SLC8A3: variants seen among roughly 807,000 people sequenced by gnomAD.
The protein encoded by SLC8A3 is sodium/calcium exchanger 3.
A neutral mutation model predicts 65.4 loss-of-function variants in SLC8A3; 37 were observed. The observed-to-expected ratio is 0.57, with a 90% CI of 0.44 to 0.74. SLC8A3 has a LOEUF of 0.74. SLC8A3 is among the 30% of genes least tolerant of loss of function. SLC8A3 has a pLI of 0.00. For synonymous variants in SLC8A3, 461 were observed against 444.5 expected, an observed-to-expected ratio of 1.04 and a Z score of -0.47; for missense variants, 1,112 against 1,172.1, an observed-to-expected ratio of 0.95 and a Z score of 0.75.
At chr14:70,187,333 G>C (rs534892757) in intron 1 of SLC8A3, 1 of 120,068 alleles carries the variant, frequency 8.3e-6, no homozygotes, top group South Asian at 2.4e-4. Context: ...GGGGCGGGGG[G>C]AGAGAGAGAG....
At chr14:70,136,292 C>T (rs1234638913) in intron 2 of SLC8A3, among the ~76,000 whole-genome samples, 3 of 152,114 alleles carry the variant, frequency 2.0e-5, no homozygotes, top group East Asian at 1.9e-4. Context: ...TGCCAGCACC[C>T]GATTTTGGAA....
intron 2 of SLC8A3, among the ~76,000 whole-genome samples, chr14:70,085,645 C>T (rs1891378052): frequency 6.6e-6 from 1 of 152,204 alleles, no homozygotes; most frequent in African/African-American, 2.4e-5. Flanking sequence ...CAAGATTTCG[C>T]AGTCCAATGG....
intron 2 of SLC8A3, among the ~76,000 whole-genome samples, chr14:70,146,230 G>A (rs1357211566): frequency 6.6e-6 from 1 of 152,196 alleles, no homozygotes; most frequent in Non-Finnish European, 1.5e-5. Flanking sequence ...AGTGGAAGAT[G>A]TGTAATGTCG....
intron 2 of SLC8A3, among the ~76,000 whole-genome samples, chr14:70,079,281 C>T (rs1181382855): frequency 2.8e-5 from 4 of 141,656 alleles, no homozygotes; most frequent in South Asian, 4.4e-4. Flanking sequence ...GTCAGGAGTT[C>T]GAGACCAGCC....
intron 3 of SLC8A3, among the ~76,000 whole-genome samples, chr14:70,055,204 A>C (rs1029928329): frequency 6.6e-6 from 1 of 152,104 alleles, no homozygotes; most frequent in Non-Finnish European, 1.5e-5. Context: ...ATCCTAATTC[A>C]TCTTGTTCAC....
Position 70,168,174 on chromosome 14 carries a change from G to C in SLC8A3, c.249C>G (p.Ala83=). ...KIARVIVYFV[A]LIYMFLGVSI... ...ACACCCCAAGGAACATGTATATCAG[G>C]GCCACAAAATAGACAATGACCCTGG... The change falls in exon 2 of 7, where the codon GCC becomes GCG. Residue 83 remains alanine, a synonymous_variant. Coordinates refer to ENST00000356921, the MANE Select transcript of SLC8A3 (RefSeq NM_182932.3). 1.2e-6 allele frequency: 2 copies of C among 1,614,126 alleles called. No homozygotes were observed. The highest frequency in any genetic ancestry group is 1.7e-6 in the Non-Finnish European group (2 of 1,180,008).
intron 2 of SLC8A3, among the ~76,000 whole-genome samples, chr14:70,131,859 A>G (rs61977454): frequency 0.11 from 16,196 of 152,252 alleles, 1,158 homozygotes; most frequent in Non-Finnish European, 0.16. Context: ...AAGAGGCAAG[A>G]ACAAGAGGAC....
In SLC8A3 at chr14:70,168,280, C is replaced by G; in HGVS notation, c.143G>C (p.Cys48Ser). ...VPSTGQNNESCSGSSDCKEGV... is the reference protein window; with the variant it reads ...VPSTGQNNESSSGSSDCKEGV... ...CTCCTTGCAGTCCGATGACCCTGAA[C>G]AGGACTCATTGTTCTGCCCTGTGCT... The change falls in exon 2 of 7, where the codon TGT becomes TCT. Residue 48 changes from cysteine to serine, a missense_variant. Transcript: ENST00000356921. The G allele has an allele frequency of 1.9e-6, 3 of 1,614,158 alleles. No homozygotes were observed. Among genetic ancestry groups the G allele is most frequent in the Middle Eastern group, 1.6e-4 (1 of 6,062 alleles).
rs74062823 is a variant in SLC8A3, at chr14:70,165,956, G to C, written c.1784+683C>G. On this transcript the variant is annotated intron_variant, in intron 2 of 6. Transcript: ENST00000356921. ...AAGACAAGTAGCCACTGCCCTGGGAGCTCTGCTTCTCCAAGATACTTTCCA... is the reference window on the plus strand; with the variant it reads ...AAGACAAGTAGCCACTGCCCTGGGACCTCTGCTTCTCCAAGATACTTTCCA... Among the ~76,000 whole-genome samples, 1,351 of 152,334 alleles carry C rather than the reference G, an allele frequency of 8.9e-3. 17 individuals are homozygous for C. Among genetic ancestry groups the C allele is most frequent in the African/African-American group, 0.03 (1,239 of 41,584 alleles).
At chr14:70,133,821 A>T (rs953356528) in intron 2 of SLC8A3, among the ~76,000 whole-genome samples, 6 of 152,344 alleles carry the variant, frequency 3.9e-5, no homozygotes, top group Non-Finnish European at 7.3e-5. Context: ...AATCAAGTCA[A>T]GAGAAAGCCC....
intron 1 of SLC8A3, among the ~76,000 whole-genome samples, chr14:70,175,990 C>T (rs1428443427): frequency 6.6e-6 from 1 of 152,194 alleles, no homozygotes; most frequent in Non-Finnish European, 1.5e-5. Flanking sequence ...CCACCTCACC[C>T]TCCCAAAGGG....
At position 70,045,889 on chromosome 14, in the gene SLC8A3, G is replaced by A; in HGVS notation, c.*58C>T. On this transcript the variant is annotated 3_prime_UTR_variant, in exon 7 of 7. Transcript: ENST00000356921. ...GTCGGGAGAGATCACTGGTGGGGAA[G>A]TGCCCTTCTCTTAGGAGAAGTCCTA... The A allele has an allele frequency of 1.4e-6, 2 of 1,463,124 alleles. No homozygotes were observed. The highest frequency in any genetic ancestry group is 1.4e-5 in the South Asian group (1 of 71,674). 90.6% of individuals were successfully genotyped at this position (1,463,124 alleles called of 1,614,324 possible). A position where few individuals can be genotyped will look rare whatever the true frequency, so the allele number is the denominator to read the frequency against.
chr14:70,081,047 T>C (rs1357611873), intron 2 of SLC8A3, among the ~76,000 whole-genome samples: 2 of 152,216 alleles, frequency 1.3e-5, no homozygotes, highest in Admixed American at 6.5e-5. Context: ...AAACTAATTA[T>C]TTAAAGCTGA....
intron 2 of SLC8A3, among the ~76,000 whole-genome samples, chr14:70,136,515 A>G (rs1316145188): frequency 6.6e-6 from 1 of 152,200 alleles, no homozygotes; most frequent in Non-Finnish European, 1.5e-5. Flanking sequence ...GTTCTAGAAC[A>G]TAATGAGCCC....
chr14:70,079,662 C>T (rs954500686), intron 2 of SLC8A3, among the ~76,000 whole-genome samples: 4 of 152,042 alleles, frequency 2.6e-5, no homozygotes, highest in Non-Finnish European at 5.9e-5. Context: ...TAATCACGCA[C>T]CCTGGGAAAT....
Position 70,167,184 on chromosome 14 carries a change from A to G in SLC8A3, c.1239T>C (p.Ala413=). 1 of 1,614,130 alleles carries G rather than the reference A, an allele frequency of 6.2e-7. No homozygotes were observed. The highest frequency in any genetic ancestry group is 2.2e-5 in the East Asian group (1 of 44,882). ...CSYQCLENCG[A]VLLTVVRKGG... is the part of the protein sequence containing the mutation. ...CTTTCCTCACCACTGTCAGGAGTAC[A>G]GCCCCACAGTTCTCCAGGCACTGGT... Residue 413 remains alanine, a synonymous_variant, in exon 2 of 7, where the codon GCT becomes GCC. Transcript: ENST00000356921.
chr14:70,155,005 T>C (rs937961080), intron 2 of SLC8A3, among the ~76,000 whole-genome samples: 3 of 150,462 alleles, frequency 2.0e-5, no homozygotes, highest in African/African-American at 7.3e-5. Context: ...CTGCAACCTC[T>C]GCCTCCCAGG....
At chr14:70,126,981 A>T (rs963627423) in intron 2 of SLC8A3, among the ~76,000 whole-genome samples, 1 of 152,176 alleles carries the variant, frequency 6.6e-6, no homozygotes, top group Non-Finnish European at 1.5e-5. Context: ...TATTGAGTTT[A>T]TTCATGCTAT....
intron 2 of SLC8A3, among the ~76,000 whole-genome samples, chr14:70,134,917 G>A (rs1895086588): frequency 6.6e-6 from 1 of 152,182 alleles, no homozygotes; most frequent in Non-Finnish European, 1.5e-5. Context: ...AGTTACTACA[G>A]ATGTAATTAG....
Sources: allele counts gnomAD v4.1 joint callset (sites outside exome capture counted in the v4.1 genomes callset), GRCh38; gene constraint gnomAD v4.1.1; transcripts MANE v1.5; gene names NCBI Gene and HGNC (gene_info 2026-07-23, HGNC 2026-07-21).